Variants in PARVB observed in about 807,000 individuals in gnomAD.
The protein encoded by PARVB is beta-parvin.
PARVB carries 46 observed loss-of-function variants against 47.0 expected under a neutral mutation model. That is an observed-to-expected ratio of 0.98 (90% CI 0.77 to 1.25). The LOEUF is 1.25. Among genes scored for constraint, PARVB ranks in the 50% most tolerant of loss-of-function variants. PARVB has a pLI of 0.00. For missense variants in PARVB, 473 were observed against 471.6 expected (o/e 1.00, Z -0.03); for synonymous variants, 196 against 196.3 (o/e 1.00, Z 0.01).
intron 1 of PARVB, among the ~76,000 whole-genome samples, chr22:44,028,664 T>C (rs577065148): frequency 1.8e-4 from 27 of 152,322 alleles, no homozygotes; most frequent in African/African-American, 5.1e-4. Flanking sequence ...TTGAGCTCAA[T>C]TGCTGGATCG....
intron 1 of PARVB, among the ~76,000 whole-genome samples, chr22:44,044,006 C>G (rs1255264904): frequency 1.3e-5 from 2 of 152,122 alleles, no homozygotes; most frequent in Non-Finnish European, 2.9e-5. Context: ...CTTATTAGGA[C>G]TATGAGGCTT....
intron 10 of PARVB, among the ~76,000 whole-genome samples, chr22:44,154,573 TGTGTGTGTGTGTGGTTTATGTAGTCTG>T (rs1490714380): frequency 2.1e-5 from 3 of 141,386 alleles, no homozygotes; most frequent in African/African-American, 5.3e-5. Flanking sequence ...TGTAGTCTGG[TGTGTGTGTGTGTGGTTTATGTAGTCTG>T]GTGTGTGTGT....
In PARVB at chr22:44,028,056, C is replaced by T. The variant is rs538337119; in HGVS notation, c.112+3605C>T. Among the ~76,000 whole-genome samples the T allele has an allele frequency of 5.3e-5, 8 of 152,080 alleles. No individual in the cohort carries two copies. In the East Asian group the frequency reaches 1.2e-3, roughly 22 times the overall value. On this transcript the variant is annotated intron_variant, in intron 1 of 12. Transcript: ENST00000338758. The stretch of plus-strand genomic sequence containing the variant: ...AAGTGTCCCCACCTATCCCTTCTCA[C>T]CTCCATCAGTGCCCCCCGGCTGTGT...
chr22:44,158,275 A>T (rs2053980057), intron 11 of PARVB, among the ~76,000 whole-genome samples, 192 bp downstream of exon 11: 1 of 152,244 alleles, frequency 6.6e-6, no homozygotes, highest in Non-Finnish European at 1.5e-5. Flanking sequence ...TCCACAACGC[A>T]TCCGAGTTTT....
At chr22:44,160,469 C>T (rs1257855608) in intron 11 of PARVB, among the ~76,000 whole-genome samples, 1 of 152,210 alleles carries the variant, frequency 6.6e-6, no homozygotes, top group East Asian at 1.9e-4. Flanking sequence ...GCCCATGTGG[C>T]TGGCTCGAAG....
At chr22:44,005,806 G>A (rs1292857171) in intron 2 of PARVB, among the ~76,000 whole-genome samples, 1 of 152,182 alleles carries the variant, frequency 6.6e-6, no homozygotes, top group Non-Finnish European at 1.5e-5. Flanking sequence ...AACCTAGAGG[G>A]TATTTAAACC....
intron 1 of PARVB, among the ~76,000 whole-genome samples, chr22:44,043,914 TTGCCCCTGCAG>T (rs1275242869): frequency 1.3e-5 from 2 of 152,164 alleles, no homozygotes; most frequent in African/African-American, 4.8e-5. Context: ...TTCCTGTTCA[TTGCCCCTGCAG>T]TGGTGGCAGC....
chr22:44,112,352 G>T, intron 3 of PARVB: 1 of 152,250 alleles, frequency 6.6e-6, no homozygotes, highest in Non-Finnish European at 1.5e-5. Flanking sequence ...CGGTTTCACG[G>T]CCTCCTCCCC....
chr22:44,010,182 T>C (rs2050508183), intron 2 of PARVB, among the ~76,000 whole-genome samples: 2 of 152,232 alleles, frequency 1.3e-5, no homozygotes, highest in South Asian at 4.1e-4. Flanking sequence ...GTTCATTTTG[T>C]TCACGAGTGC....
At chr22:44,060,194 T>C (rs1601542058) in intron 1 of PARVB, among the ~76,000 whole-genome samples, 3 of 152,050 alleles carry the variant, frequency 2.0e-5, no homozygotes, top group African/African-American at 7.2e-5. Flanking sequence ...CAGCCACCTG[T>C]AATCCCAGCT....
intron 1 of PARVB, among the ~76,000 whole-genome samples, chr22:44,028,874 C>T (rs1024370811): frequency 6.6e-6 from 1 of 152,170 alleles, no homozygotes; most frequent in South Asian, 2.1e-4. Flanking sequence ...TTCGCATTTC[C>T]CTGATGAGGT....
intron 1 of PARVB, among the ~76,000 whole-genome samples, chr22:44,055,783 TG>T (rs1290397565): frequency 6.6e-6 from 1 of 152,096 alleles, no homozygotes; most frequent in African/African-American, 2.4e-5. Context: ...GGAGGGCCAA[TG>T]GCGTCAGCCC....
At chr22:44,061,343 ATT>A (rs1053704976) in intron 1 of PARVB, among the ~76,000 whole-genome samples, 3 of 145,088 alleles carry the variant, frequency 2.1e-5, no homozygotes, top group African/African-American at 7.7e-5. Flanking sequence ...AGGCTGGAGA[ATT>A]GCTTGAACCC....
intron 1 of PARVB, among the ~76,000 whole-genome samples, chr22:44,053,129 G>C (rs2051242619): frequency 6.7e-6 from 1 of 149,998 alleles, no homozygotes; most frequent in Admixed American, 6.6e-5. Context: ...TGTCTCCCAG[G>C]CTGGAGTGCA....
chr22:44,149,513 C>G (rs969872936), intron 9 of PARVB: 4 of 152,274 alleles, frequency 2.6e-5, no homozygotes, highest in African/African-American at 9.7e-5. Flanking sequence ...CAGCCACAGC[C>G]TGAAGACCCC....
chr22:44,133,037 C>G, intron 6 of PARVB, 28 bp downstream of exon 6: 1 of 1,512,076 alleles, frequency 6.6e-7, no homozygotes, highest in Non-Finnish European at 9.1e-7. Context: ...GTCGGCCTGC[C>G]TGTAACTCCG....
Position 44,148,271 on chromosome 22 carries a change from T to TGG in PARVB, c.774+350_774+351insGG, listed in dbSNP as rs563465463. 451 of 361,488 alleles carry TGG rather than the reference T, an allele frequency of 1.2e-3. 3 individuals carry two copies. Among genetic ancestry groups the TGG allele is most frequent in the African/African-American group, 8.8e-3 (416 of 47,382 alleles). 22.4% of individuals were successfully genotyped at this position (361,488 alleles called of 1,614,324 possible). ...CTGGCCTCATTTACCATCTACAGCCTGCCCAGTAAACACGCAGGCCTGTGC... is the reference window on the plus strand; with the variant it reads ...CTGGCCTCATTTACCATCTACAGCCTGGGCCCAGTAAACACGCAGGCCTGTGC... On this transcript the variant is annotated intron_variant, in intron 9 of 12. Coordinates refer to ENST00000338758, the MANE Select transcript of PARVB (RefSeq NM_013327.5).
chr22:44,131,064 CCTCT>C (rs1419671239), intron 4 of PARVB, among the ~76,000 whole-genome samples: 4 of 133,284 alleles, frequency 3.0e-5, no homozygotes, highest in South Asian at 5.5e-4. Flanking sequence ...TCCCTCCCTC[CCTCT>C]CTCTCTCTCT....
intron 10 of PARVB, chr22:44,152,740 C>G (rs1195743287): frequency 6.6e-6 from 1 of 152,158 alleles, no homozygotes; most frequent in Non-Finnish European, 1.5e-5. Context: ...GCATTAAAGA[C>G]AAAATATGAT....
Sources: gnomAD v4.1 joint callset for allele counts (sites outside exome capture counted in the v4.1 genomes callset) on GRCh38, gnomAD v4.1.1 for gene constraint, MANE v1.5 for transcripts, NCBI Gene and HGNC (gene_info 2026-07-23, HGNC 2026-07-21) for gene names.